Variants in PDE2A observed in about 807,000 individuals in gnomAD.
PDE2A encodes cGMP-dependent 3',5'-cyclic phosphodiesterase.
A neutral mutation model predicts 133.6 loss-of-function variants in PDE2A; 53 were observed. The ratio of observed to expected loss-of-function variants is 0.40; its 90% CI spans 0.32 to 0.50. PDE2A has a LOEUF of 0.50. PDE2A is among the 20% of genes least tolerant of loss of function. The probability of loss-of-function intolerance (pLI) is 0.73; values close to 1 mark genes in which losing one functional copy is unlikely to be tolerated. For missense variants in PDE2A, 796 were observed against 1,232.4 expected (o/e 0.65, Z 5.30); for synonymous variants, 491 against 490.2 (o/e 1.00, Z -0.02).
chr11:72,597,473 CCCCT>C lies in PDE2A; in HGVS notation c.433+33_433+36del. ...GTGCAGGGGCCACAGTCCCTCCCTG[CCCCT>C]GCCCCTGCCCCTGCCCAGCCCCTAG... On this transcript the variant is annotated intron_variant, in intron 5 of 30. Transcript: ENST00000334456. This position sits in a 1 kb window ranked among gnomAD's most constrained non-coding sequence, Gnocchi z 4.6. 3.3e-6 allele frequency: 1 copy of C among 305,390 alleles called. No homozygotes were observed. The highest frequency in any genetic ancestry group is 4.0e-6 in the Non-Finnish European group (1 of 249,296). The allele number at this position is 305,390 out of a possible 1,614,324, so 18.9% of individuals were successfully genotyped here. A position where few individuals can be genotyped will look rare whatever the true frequency, so the allele number is the denominator to read the frequency against.
chr11:72,630,332 C>T (rs762572698), intron 2 of PDE2A, among the ~76,000 whole-genome samples: 7 of 152,052 alleles, frequency 4.6e-5, no homozygotes, highest in Non-Finnish European at 7.4e-5. Flanking sequence ...TGGCACAGCA[C>T]GGTGGGCGAC....
intron 1 of PDE2A, chr11:72,668,542 C>T: frequency 1.4e-6 from 1 of 693,950 alleles, no homozygotes; most frequent in Non-Finnish European, 2.6e-6. Context: ...GTCGATGCTG[C>T]TTCACCTTTG....
Position 72,596,610 on chromosome 11 carries a change from C to T in PDE2A, c.472G>A (p.Val158Met), listed in dbSNP as rs753036896. 9 of 1,507,114 alleles carry T rather than the reference C, an allele frequency of 6.0e-6. No individual in the cohort carries two copies. The highest frequency in any genetic ancestry group is 7.1e-6 in the Non-Finnish European group (8 of 1,119,596). The allele number at this position is 1,507,114 out of a possible 1,614,324, so 93.4% of individuals were successfully genotyped here. A position where few individuals can be genotyped will look rare whatever the true frequency, so the allele number is the denominator to read the frequency against. The change falls in exon 6 of 31, where the codon GTG becomes ATG. Residue 158 changes from valine to methionine, a missense_variant. Val to Met is a conservative substitution (Grantham distance 21). Transcript: ENST00000334456. Reference sequence around the variant, plus strand: ...GCTCTTACCAAGATGACAGCTGCCACGGCCCCAGCCTCCTTGTCCGCTAGC... The same window carrying T: ...GCTCTTACCAAGATGACAGCTGCCATGGCCCCAGCCTCCTTGTCCGCTAGC... ...MPLADKEAGA[V>M]AAVILVHCGQ... is the part of the protein sequence containing the mutation.
chr11:72,578,182 C>A lies in PDE2A; in HGVS notation c.2615+51G>T, dbSNP rs780430552. The A allele has an allele frequency of 4.2e-6, 5 of 1,189,714 alleles. No homozygotes were observed. The South Asian group carries it at 6.1e-5, about 14-fold the overall frequency. The allele number at this position is 1,189,714 out of a possible 1,614,324, so 73.7% of individuals were successfully genotyped here. ...TGTGTTTCCTGTGATGTCCCCACTC[C>A]AGCCTACCCTCTCTGTGCAGGGTGC... On this transcript the variant is annotated intron_variant, in intron 30 of 30. Coordinates refer to ENST00000334456, the MANE Select transcript of PDE2A (RefSeq NM_002599.5). This position sits in a 1 kb window ranked among gnomAD's most constrained non-coding sequence, Gnocchi z 4.2.
chr11:72,660,981 G>T (rs1379742055), intron 1 of PDE2A, among the ~76,000 whole-genome samples: 1 of 152,026 alleles, frequency 6.6e-6, no homozygotes, highest in Non-Finnish European at 1.5e-5. Context: ...GAGGCAGAGG[G>T]CATCTGGCTG....
At chr11:72,583,204 A>G (rs1023094301) in intron 20 of PDE2A, among the ~76,000 whole-genome samples, 1 of 152,192 alleles carries the variant, frequency 6.6e-6, no homozygotes, top group Non-Finnish European at 1.5e-5. Flanking sequence ...GGCTGAACCA[A>G]TTACTCCCTG....
rs773937555 is a variant in PDE2A at position 72,579,001 on chromosome 11, C to T, written c.2365G>A (p.Asp789Asn). ...DLQKMAEVGY[D>N]RNNKQHHRLL... is the part of the protein sequence containing the mutation. ...CTGTGGTGCTGCTTGTTGTTTCGGT[C>T]GTAGCCCACTGTTGAGGGGAGGATG... Residue 789 changes from aspartate to asparagine, a missense_variant, in exon 28 of 31, where the codon GAC becomes AAC. Physicochemically the swap from Asp to Asn is conservative, Grantham distance 23. Around this residue, in one of 7 missense-constraint regions of PDE2A, gnomAD observed 19 missense variants for 16.0 expected, o/e 1.18. Coordinates refer to ENST00000334456, the MANE Select transcript of PDE2A (RefSeq NM_002599.5). 5.6e-6 allele frequency: 9 copies of T among 1,611,162 alleles called. No individual in the cohort carries two copies. Among genetic ancestry groups the T allele is most frequent in the Admixed American group, 5.0e-5 (3 of 59,994 alleles).
intron 18 of PDE2A, 107 bp downstream of exon 18, chr11:72,584,444 A>G (rs1278507709): frequency 2.2e-6 from 3 of 1,369,324 alleles, no homozygotes; most frequent in Admixed American, 2.0e-5. Context: ...CGACTCCCTT[A>G]TGCTCCGGGA....
chr11:72,592,597 G>T (rs972303327), intron 6 of PDE2A, among the ~76,000 whole-genome samples: 4 of 152,194 alleles, frequency 2.6e-5, no homozygotes, highest in Non-Finnish European at 4.4e-5. Context: ...CCAGGACACT[G>T]GCGGTAGGTG....
Position 72,590,662 on chromosome 11 carries a change from G to T in PDE2A, c.550-82C>A. 2 of 1,257,438 alleles carry T rather than the reference G, an allele frequency of 1.6e-6. No individual in the cohort carries two copies. The highest frequency in any genetic ancestry group is 2.0e-6 in the Non-Finnish European group (2 of 979,394). The allele number at this position is 1,257,438 out of a possible 1,614,324, so 77.9% of individuals were successfully genotyped here. A position where few individuals can be genotyped will look rare whatever the true frequency, so the allele number is the denominator to read the frequency against. On this transcript the variant is annotated intron_variant, in intron 7 of 30. Coordinates refer to ENST00000334456, the MANE Select transcript of PDE2A (RefSeq NM_002599.5). This position sits in a 1 kb window ranked among gnomAD's most constrained non-coding sequence, Gnocchi z 4.8. ...CAGCGGGATTCCTGCCTTTGCTCCC[G>T]CCGTTCCCTCTGCCTGCCGGGCCCA...
At chr11:72,608,114 C>T (rs1269199397) in intron 3 of PDE2A, among the ~76,000 whole-genome samples, 2 of 152,174 alleles carry the variant, frequency 1.3e-5, no homozygotes, top group Non-Finnish European at 1.5e-5. Context: ...CTGCCCCAAA[C>T]CTGCAACTCA....
At chr11:72,660,870 A>C (rs1565196576) in intron 1 of PDE2A, among the ~76,000 whole-genome samples, 2 of 151,978 alleles carry the variant, frequency 1.3e-5, no homozygotes, top group African/African-American at 4.8e-5. Context: ...GTGAGCTCCG[A>C]GAGGTGGCAA....
intron 2 of PDE2A, among the ~76,000 whole-genome samples, chr11:72,632,545 G>C (rs1238155977): frequency 2.6e-5 from 4 of 152,142 alleles, no homozygotes; most frequent in Admixed American, 2.6e-4. Flanking sequence ...ACTGGCCCTG[G>C]CCTGTTCCTT....
intron 4 of PDE2A, among the ~76,000 whole-genome samples, chr11:72,604,892 T>C (rs575419477): frequency 7.9e-4 from 120 of 152,282 alleles, no homozygotes; most frequent in Middle Eastern, 6.8e-3. Flanking sequence ...TAGAAGCAAT[T>C]AGAAGGAGAA....
Position 72,661,338 on chromosome 11 carries a change from T to G in PDE2A, c.71+12799A>C, listed in dbSNP as rs1565196817. Among the ~76,000 whole-genome samples, 3 of 152,274 alleles carry G rather than the reference T, an allele frequency of 2.0e-5. No homozygotes were observed. The South Asian group carries it at 6.2e-4, about 32-fold the overall frequency. ...AATAAATACAGAAATAAATATCTTCTGAGGCCCTGAGTAGCTGGGGCTCCT... is the reference window on the plus strand; with the variant it reads ...AATAAATACAGAAATAAATATCTTCGGAGGCCCTGAGTAGCTGGGGCTCCT... On this transcript the variant is annotated intron_variant, in intron 1 of 30. Transcript: ENST00000334456.
At chr11:72,588,142 C>A (rs541433455) in intron 13 of PDE2A, among the ~76,000 whole-genome samples, 1 of 152,328 alleles carries the variant, frequency 6.6e-6, no homozygotes, top group South Asian at 2.1e-4. Flanking sequence ...TCAGACGCAG[C>A]ACTGTTTCTC....
At position 72,578,167 on chromosome 11, in the gene PDE2A, G is replaced by A. The variant is rs1855550496; in HGVS notation, c.2615+66C>T. Reference sequence around the variant, plus strand: ...GCCAATCTCAGCACCTGTGTTTCCTGTGATGTCCCCACTCCAGCCTACCCT... The same window carrying A: ...GCCAATCTCAGCACCTGTGTTTCCTATGATGTCCCCACTCCAGCCTACCCT... On this transcript the variant is annotated intron_variant, in intron 30 of 30. Coordinates refer to ENST00000334456, the MANE Select transcript of PDE2A (RefSeq NM_002599.5). The surrounding 1 kb of genome is among the most constrained non-coding windows in gnomAD (Gnocchi z 4.2). The A allele has an allele frequency of 3.9e-6, 4 of 1,014,758 alleles. No homozygotes were observed. The highest frequency in any genetic ancestry group is 6.3e-6 in the Non-Finnish European group (4 of 638,120). 62.9% of individuals were successfully genotyped at this position (1,014,758 alleles called of 1,614,324 possible).
intron 13 of PDE2A, among the ~76,000 whole-genome samples, chr11:72,588,418 A>C (rs1258675230): frequency 6.6e-6 from 1 of 152,092 alleles, no homozygotes; most frequent in Non-Finnish European, 1.5e-5. Flanking sequence ...CCCCAAGCAT[A>C]TTCCCTTTAG....
intron 1 of PDE2A, chr11:72,652,636 T>C (rs1326705281): frequency 2.2e-6 from 1 of 456,294 alleles, no homozygotes; most frequent in South Asian, 1.5e-5. Flanking sequence ...CCAGATCTAT[T>C]CTCTCATTTA....
Sources: gnomAD v4.1 joint callset for allele counts (sites outside exome capture counted in the v4.1 genomes callset) on GRCh38, gnomAD v4.1.1 for gene constraint, gnomAD v4.1.1 regional missense constraint, Gnocchi (gnomAD v3.1) non-coding constraint, MANE v1.5 for transcripts, NCBI Gene and HGNC (gene_info 2026-07-23, HGNC 2026-07-21) for gene names.